Variants in CCDC6 observed in about 807,000 individuals in gnomAD.
CCDC6 encodes the protein coiled-coil domain-containing protein 6.
In CCDC6, 20 loss-of-function variants were observed where a neutral mutation model predicts 56.6. The ratio of observed to expected loss-of-function variants is 0.35; its 90% CI spans 0.25 to 0.51. The LOEUF is 0.51. CCDC6 is among the 20% of genes least tolerant of loss of function. The probability of loss-of-function intolerance (pLI) is 0.95; values close to 1 mark genes in which losing one functional copy is unlikely to be tolerated. For synonymous variants in CCDC6, 241 were observed against 234.4 expected (o/e 1.03, Z -0.26); for missense variants, 367 against 601.1 (o/e 0.61, Z 4.07).
intron 1 of CCDC6, among the ~76,000 whole-genome samples, chr10:59,862,552 C>CACAT (rs1554886099): frequency 1.2e-5 from 1 of 81,586 alleles, no homozygotes; most frequent in African/African-American, 5.9e-5. Flanking sequence ...CACACACACA[C>CACAT]ACACATATAT....
Position 59,906,267 on chromosome 10 carries a change from G to A in CCDC6, c.158C>T (p.Pro53Leu), listed in dbSNP as rs2071545119. ...GTTGGTGAGCTCCTCCAGGCGGAAC[G>A]GCGAGATGACAATGCCCCCCGACTT... ...GGKSGGIVIS[P>L]FRLEELTNRL... The change falls in exon 1 of 9, where the codon CCG becomes CTG. Residue 53 changes from proline (P) to leucine (L), a missense_variant. Pro to Leu is a moderately conservative substitution (Grantham distance 98, BLOSUM62 -3). This residue lies in a region of CCDC6 where 41 missense variants were observed against 90.8 expected (regional missense o/e 0.45). Coordinates refer to ENST00000263102, the MANE Select transcript of CCDC6 (RefSeq NM_005436.5). 2 of 1,611,980 alleles carry A rather than the reference G, an allele frequency of 1.2e-6. No individual in the cohort carries two copies. The highest frequency in any genetic ancestry group is 1.7e-6 in the Non-Finnish European group (2 of 1,179,790).
chr10:59,889,428 A>C (rs1481513795), intron 1 of CCDC6, among the ~76,000 whole-genome samples: 1 of 152,180 alleles, frequency 6.6e-6, no homozygotes, highest in Non-Finnish European at 1.5e-5. Context: ...TTCTCCCTAG[A>C]ATGCCCTTTA....
chr10:59,788,847 A>G lies in CCDC6; in HGVS notation c.*4070T>C, dbSNP rs1199848572. 5.0e-6 allele frequency: 1 copy of G among 201,338 alleles called. No individual in the cohort carries two copies. The highest frequency in any genetic ancestry group is 1.0e-5 in the Non-Finnish European group (1 of 97,798). 12.5% of individuals were successfully genotyped at this position (201,338 alleles called of 1,614,324 possible). A position where few individuals can be genotyped will look rare whatever the true frequency, so the allele number is the denominator to read the frequency against. ...ATCAACATAAAGGAGTAAATAAGAC[A>G]TTAATTGAAAGTCTTACATCTCTCT... On this transcript the variant is annotated 3_prime_UTR_variant, in exon 9 of 9. Transcript: ENST00000263102.
rs545612391 is a variant in CCDC6, at chr10:59,856,711, G to T, written c.304-4009C>A. Among the ~76,000 whole-genome samples the T allele has an allele frequency of 1.8e-3, 272 of 152,268 alleles. 1 individual carries two copies. The highest frequency in any genetic ancestry group is 3.3e-3 in the Non-Finnish European group (225 of 68,024). ...GGGAAGAAAAAACAGGCTACCTCAT[G>T]AAATCTCATTATCAGGTTTATCAAT... On this transcript the variant is annotated intron_variant, in intron 1 of 8. Coordinates refer to ENST00000263102, the MANE Select transcript of CCDC6 (RefSeq NM_005436.5).
rs551799192 is a variant in CCDC6, at chr10:59,790,763, T to G, written c.*2154A>C. ...CAAGAACCTATCTCTAAAAGGCATTTATCAGGAAATGTTCGCTCACTCCAA... is the reference window on the plus strand; with the variant it reads ...CAAGAACCTATCTCTAAAAGGCATTGATCAGGAAATGTTCGCTCACTCCAA... On this transcript the variant is annotated 3_prime_UTR_variant, in exon 9 of 9. Transcript: ENST00000263102. 1.6e-4 allele frequency: 34 copies of G among 215,236 alleles called. No individual in the cohort carries two copies. In the East Asian group the frequency reaches 2.3e-3, roughly 15 times the overall value. 13.3% of individuals were successfully genotyped at this position (215,236 alleles called of 1,614,324 possible). A position where few individuals can be genotyped will look rare whatever the true frequency, so the allele number is the denominator to read the frequency against.
intron 1 of CCDC6, among the ~76,000 whole-genome samples, chr10:59,889,607 C>T (rs1258520306): frequency 6.6e-6 from 1 of 152,214 alleles, no homozygotes; most frequent in Non-Finnish European, 1.5e-5. Flanking sequence ...CCCTTCTCTC[C>T]TGCTCTGCAA....
chr10:59,799,301 G>A (rs764261807), intron 7 of CCDC6, among the ~76,000 whole-genome samples: 3 of 151,928 alleles, frequency 2.0e-5, no homozygotes, highest in East Asian at 2.0e-4. Context: ...GCATGGTGGC[G>A]GGTGCCTGTA....
At chr10:59,834,928 G>A (rs746126165) in intron 2 of CCDC6, among the ~76,000 whole-genome samples, 1 of 152,186 alleles carries the variant, frequency 6.6e-6, no homozygotes, top group Non-Finnish European at 1.5e-5. Context: ...TGCGCCTAAG[G>A]CTTTCATTCA....
At chr10:59,833,959 G>A (rs1028798274) in intron 2 of CCDC6, among the ~76,000 whole-genome samples, 3 of 152,166 alleles carry the variant, frequency 2.0e-5, no homozygotes, top group Non-Finnish European at 2.9e-5. Flanking sequence ...CTCTCCCGCT[G>A]TATCACTGAG....
chr10:59,879,354 A>T (rs1030034693), intron 1 of CCDC6, among the ~76,000 whole-genome samples: 2 of 152,196 alleles, frequency 1.3e-5, no homozygotes, highest in African/African-American at 4.8e-5. Context: ...ATTTATGAAA[A>T]ATAAGAGTCT....
chr10:59,885,001 T>C (rs137997861), intron 1 of CCDC6, among the ~76,000 whole-genome samples: 2,530 of 149,812 alleles, frequency 0.017, 29 homozygotes, highest in Middle Eastern at 0.044. Context: ...GAGACAGAGG[T>C]TGCAGTGAGT....
intron 1 of CCDC6, among the ~76,000 whole-genome samples, chr10:59,879,349 T>C (rs1001040647): frequency 1.3e-5 from 2 of 152,222 alleles, no homozygotes; most frequent in African/African-American, 2.4e-5. Context: ...TATAGATTTA[T>C]GAAAAATAAG....
chr10:59,892,026 T>C (rs2071425868), intron 1 of CCDC6, among the ~76,000 whole-genome samples: 1 of 152,212 alleles, frequency 6.6e-6, no homozygotes, highest in Non-Finnish European at 1.5e-5. Context: ...GGGGTTGTCC[T>C]TCCATCATTC....
At chr10:59,793,252 C>T (rs1012047038) in intron 8 of CCDC6, 141 bp from the exon 9 acceptor site, 1 of 660,884 alleles carries the variant, frequency 1.5e-6, no homozygotes, top group Non-Finnish European at 2.6e-6. Flanking sequence ...TTCATCCCTA[C>T]TGGTTTCTGA....
rs1167007522 is a variant in CCDC6 at position 59,869,389 on chromosome 10, C to CAAAA, written c.304-16691_304-16688dup. On this transcript the variant is annotated intron_variant, in intron 1 of 8. Transcript: ENST00000263102. The stretch of plus-strand genomic sequence containing the variant: ...GCAGTGAGACATGGACTTGCTCAGG[C>CAAAA]AAAAAAAAAAAAAAAAAAAAAAAAA... 7.6e-3 allele frequency among the ~76,000 whole-genome samples: 46 copies of CAAAA among 6,092 alleles called. 11 individuals are homozygous for CAAAA. The highest frequency in any genetic ancestry group is 0.012 in the Admixed American group (3 of 244). The allele number at this position is 6,092 out of a possible 152,430, so 4.0% of individuals were successfully genotyped here. A position where few individuals can be genotyped will look rare whatever the true frequency, so the allele number is the denominator to read the frequency against.
chr10:59,876,401 A>G (rs1053070435), intron 1 of CCDC6, among the ~76,000 whole-genome samples: 1 of 152,022 alleles, frequency 6.6e-6, no homozygotes, highest in Admixed American at 6.6e-5. Flanking sequence ...CAGCTGCCTC[A>G]CTAAATAGAT....
At chr10:59,829,181 C>G (rs528851532) in intron 3 of CCDC6, among the ~76,000 whole-genome samples, 34 of 152,278 alleles carry the variant, frequency 2.2e-4, no homozygotes, top group African/African-American at 8.2e-4. Flanking sequence ...GAAACTCAGC[C>G]CAGTTAAGTT....
intron 1 of CCDC6, among the ~76,000 whole-genome samples, chr10:59,898,126 C>A (rs998410799): frequency 6.6e-6 from 1 of 152,090 alleles, no homozygotes; most frequent in African/African-American, 2.4e-5. Flanking sequence ...CAGATAGTTT[C>A]GGATTAAAAA....
intron 2 of CCDC6, among the ~76,000 whole-genome samples, chr10:59,839,768 T>C (rs922027397): frequency 4.6e-5 from 7 of 152,204 alleles, no homozygotes; most frequent in Admixed American, 4.6e-4. Flanking sequence ...CTTCACAGTA[T>C]CCAGCTATTT....
Sources: gnomAD v4.1 joint callset for allele counts (sites outside exome capture counted in the v4.1 genomes callset) on GRCh38, gnomAD v4.1.1 for gene constraint, gnomAD v4.1.1 regional missense constraint, MANE v1.5 for transcripts, NCBI Gene and HGNC (gene_info 2026-07-23, HGNC 2026-07-21) for gene names.